Variants in GGA2 observed in about 807,000 individuals in gnomAD.
GGA2 encodes ADP-ribosylation factor-binding protein GGA2.
GGA2 carries 48 observed loss-of-function variants against 79.5 expected under a neutral mutation model. The ratio of observed to expected loss-of-function variants is 0.60; its 90% CI spans 0.48 to 0.77. The LOEUF is 0.77. Among genes scored for constraint, GGA2 ranks in the 30% least tolerant of loss-of-function variants. The pLI is 0.00. For missense variants in GGA2, 770 were observed against 774.0 expected (o/e 0.99, Z 0.06); for synonymous variants, 317 against 302.0 (o/e 1.05, Z -0.51).
chr16:23,515,806 C>A (rs76573353), intron 2 of GGA2, among the ~76,000 whole-genome samples: 1 of 152,104 alleles, frequency 6.6e-6, no homozygotes, highest in Non-Finnish European at 1.5e-5. Context: ...CCAGCTTACA[C>A]AAGCAGATCA....
intron 1 of GGA2, among the ~76,000 whole-genome samples, chr16:23,508,657 C>T (rs1231353143): frequency 6.6e-6 from 1 of 152,172 alleles, no homozygotes; most frequent in Non-Finnish European, 1.5e-5. Flanking sequence ...GGGCTCCCCA[C>T]GCTCTCTTTC....
At chr16:23,486,555 G>A (rs1186427321) in intron 7 of GGA2, among the ~76,000 whole-genome samples, 155 bp downstream of exon 7, 2 of 152,180 alleles carry the variant, frequency 1.3e-5, no homozygotes, top group African/African-American at 4.8e-5. Flanking sequence ...TGCTGCCCTT[G>A]AGGGAGACTA....
intron 1 of GGA2, among the ~76,000 whole-genome samples, chr16:23,503,166 A>G (rs909246460): frequency 3.3e-5 from 5 of 152,162 alleles, no homozygotes; most frequent in African/African-American, 4.8e-5. Flanking sequence ...GTTTGCTTTC[A>G]CAATACAGTG....
chr16:23,493,694 T>G, intron 3 of GGA2: 1 of 491,794 alleles, frequency 2.0e-6, no homozygotes, highest in Non-Finnish European at 3.7e-6. Context: ...CTTAGTGAGG[T>G]ATGTCAAACC....
intron 1 of GGA2, among the ~76,000 whole-genome samples, chr16:23,498,685 AG>A (rs1964885199): frequency 2.6e-5 from 4 of 152,240 alleles, no homozygotes; most frequent in African/African-American, 9.6e-5. Context: ...AGGTCTACAA[AG>A]GATAATTGTT....
chr16:23,524,003 C>T (rs1965182811), upstream of GGA2: 2 of 200,620 alleles, frequency 1.0e-5, no homozygotes, highest in Admixed American at 1.1e-4. Flanking sequence ...GTTTAAACCA[C>T]CTGGTTCTGT....
At chr16:23,506,660 G>C (rs750685593) in intron 1 of GGA2, among the ~76,000 whole-genome samples, 3 of 152,122 alleles carry the variant, frequency 2.0e-5, no homozygotes, top group Non-Finnish European at 2.9e-5. Flanking sequence ...GATGTCACTC[G>C]TGCAAAGGTT....
At chr16:23,495,393 T>A (rs142056383) in intron 2 of GGA2, 1 of 202,540 alleles carries the variant, frequency 4.9e-6, no homozygotes, top group Non-Finnish European at 1.0e-5. Context: ...CCACATGAAT[T>A]TGCTAATTTT....
chr16:23,496,437 C>T (rs1050275409), intron 1 of GGA2, among the ~76,000 whole-genome samples: 6 of 151,938 alleles, frequency 3.9e-5, no homozygotes, highest in African/African-American at 9.7e-5. Flanking sequence ...CTGTGACAAG[C>T]GGAGACAGAA....
chr16:23,471,134 C>A lies in GGA2; in HGVS notation c.1451-969G>T, dbSNP rs75042543. Reference sequence around the variant, plus strand: ...GGGATTACAGGCGTGAGCCACTGCACCCGGCCAATGCATTCTTAATTCTAC... The same window carrying A: ...GGGATTACAGGCGTGAGCCACTGCAACCGGCCAATGCATTCTTAATTCTAC... On this transcript the variant is annotated intron_variant, in intron 14 of 16. Coordinates refer to ENST00000309859, the MANE Select transcript of GGA2 (RefSeq NM_015044.4). Among the ~76,000 whole-genome samples, 609 of 152,202 alleles carry A rather than the reference C, an allele frequency of 4.0e-3. 9 individuals are homozygous for A. Among genetic ancestry groups the A allele is most frequent in the African/African-American group, 0.014 (586 of 41,542 alleles).
In GGA2 at chr16:23,465,192, C is replaced by T; in HGVS notation, c.*2398G>A. 1 of 625,300 alleles carries T rather than the reference C, an allele frequency of 1.6e-6. No individual in the cohort carries two copies. Among genetic ancestry groups the T allele is most frequent in the Non-Finnish European group, 2.9e-6 (1 of 348,796 alleles). 38.7% of individuals were successfully genotyped at this position (625,300 alleles called of 1,614,324 possible). A position where few individuals can be genotyped will look rare whatever the true frequency, so the allele number is the denominator to read the frequency against. Reference sequence around the variant, plus strand: ...ACAGAGACACGGTCTCACTATGTAGCCCAGGCTGGACTTGAAATCCTGGGC... The same window carrying T: ...ACAGAGACACGGTCTCACTATGTAGTCCAGGCTGGACTTGAAATCCTGGGC... On this transcript the variant is annotated 3_prime_UTR_variant, in exon 17 of 17. Transcript: ENST00000309859.
intron 2 of GGA2, among the ~76,000 whole-genome samples, chr16:23,518,102 G>A (rs762903805): frequency 4.0e-5 from 6 of 150,508 alleles, no homozygotes; most frequent in Non-Finnish European, 5.9e-5. Context: ...TAGTAGAGAC[G>A]GCATTTCACC....
At chr16:23,512,317 G>C (rs565910178), upstream of GGA2, among the ~76,000 whole-genome samples, 5 of 152,168 alleles carry the variant, frequency 3.3e-5, no homozygotes, top group Non-Finnish European at 4.4e-5. Flanking sequence ...AAAGGGCCTT[G>C]ATCCCCCGTA....
chr16:23,490,693 C>T (rs1207782805), intron 5 of GGA2, among the ~76,000 whole-genome samples: 1 of 151,422 alleles, frequency 6.6e-6, no homozygotes, highest in Non-Finnish European at 1.5e-5. Context: ...AGAGATCGCC[C>T]CACTGCACTC....
chr16:23,481,996 G>A (rs1253588002), intron 9 of GGA2, among the ~76,000 whole-genome samples: 6 of 152,070 alleles, frequency 3.9e-5, no homozygotes, highest in Non-Finnish European at 7.4e-5. Flanking sequence ...GCCGGGGATC[G>A]TGGCTCACGC....
chr16:23,488,731 T>C (rs922241454), intron 5 of GGA2, 22 bp from the exon 6 acceptor site: 4 of 1,302,718 alleles, frequency 3.1e-6, no homozygotes, highest in South Asian at 2.4e-5. Flanking sequence ...ATTTACAAAG[T>C]TAAGACACCG....
chr16:23,494,876 G>A (rs1299025106), intron 2 of GGA2, among the ~76,000 whole-genome samples: 2 of 152,166 alleles, frequency 1.3e-5, no homozygotes, highest in Non-Finnish European at 2.9e-5. Context: ...GAGGTCAGGA[G>A]TTCGAGACCA....
chr16:23,465,259 A>C lies in GGA2; in HGVS notation c.*2331T>G. On this transcript the variant is annotated 3_prime_UTR_variant, in exon 17 of 17. Coordinates refer to ENST00000309859, the MANE Select transcript of GGA2 (RefSeq NM_015044.4). ...CTCAGCCTCCCAAAATGCTGGGATTATAGGCGTGAGCCACTGTGCACAGCC... is the reference window on the plus strand; with the variant it reads ...CTCAGCCTCCCAAAATGCTGGGATTCTAGGCGTGAGCCACTGTGCACAGCC... The C allele has an allele frequency of 1.5e-6, 1 of 686,978 alleles. No individual in the cohort carries two copies. The allele number at this position is 686,978 out of a possible 1,614,324, so 42.6% of individuals were successfully genotyped here.
chr16:23,489,796 G>A (rs903107390), intron 5 of GGA2, among the ~76,000 whole-genome samples: 3 of 152,180 alleles, frequency 2.0e-5, no homozygotes, highest in African/African-American at 7.2e-5. Flanking sequence ...CCTGAAGGCG[G>A]GATTAGGGGG....
Sources: gnomAD v4.1 joint callset for allele counts (sites outside exome capture counted in the v4.1 genomes callset) on GRCh38, gnomAD v4.1.1 for gene constraint, MANE v1.5 for transcripts, NCBI Gene and HGNC (gene_info 2026-07-23, HGNC 2026-07-21) for gene names.